FRMD4A: variants seen among roughly 807,000 people sequenced by gnomAD.
FRMD4A encodes FERM domain-containing protein 4A.
Under a neutral mutation model 129.1 loss-of-function variants are expected in FRMD4A, and 29 were observed. That is an observed-to-expected ratio of 0.22 (90% CI 0.17 to 0.31). FRMD4A has a LOEUF of 0.31. Among genes scored for constraint, FRMD4A ranks in the 10% least tolerant of loss-of-function variants. The probability of loss-of-function intolerance (pLI) is 1.00; values close to 1 mark genes in which losing one functional copy is unlikely to be tolerated. For synonymous variants in FRMD4A, 634 were observed against 571.6 expected (o/e 1.11, Z -1.56); for missense variants, 1,272 against 1,375.8 (o/e 0.92, Z 1.19).
intron 2 of FRMD4A, among the ~76,000 whole-genome samples, chr10:14,165,230 G>T (rs930287748): frequency 6.6e-6 from 1 of 152,172 alleles, no homozygotes; most frequent in Non-Finnish European, 1.5e-5. Flanking sequence ...TTTTTCAAAA[G>T]AAGACAAAGC....
chr10:13,815,688 C>G (rs940514106), intron 3 of FRMD4A, among the ~76,000 whole-genome samples: 2 of 152,166 alleles, frequency 1.3e-5, no homozygotes, highest in African/African-American at 4.8e-5. Flanking sequence ...GCCTAAGGAT[C>G]GTGCCTCAAG....
chr10:14,214,404 G>A (rs1843014157), intron 2 of FRMD4A, among the ~76,000 whole-genome samples: 1 of 152,208 alleles, frequency 6.6e-6, no homozygotes, highest in African/African-American at 2.4e-5. Context: ...CATACAAGCT[G>A]AACGACCTTA....
intron 2 of FRMD4A, among the ~76,000 whole-genome samples, chr10:13,900,896 C>CTAAAATAAAA (rs71848496): frequency 6.6e-5 from 10 of 151,920 alleles, no homozygotes; most frequent in African/African-American, 1.9e-4. Flanking sequence ...GATTCCGTCT[C>CTAAAATAAAA]TAAAATAAAA....
chr10:14,225,120 C>T (rs1327451290), intron 2 of FRMD4A, among the ~76,000 whole-genome samples: 4 of 152,146 alleles, frequency 2.6e-5, no homozygotes, highest in Non-Finnish European at 5.9e-5. Context: ...TAAATATACA[C>T]CAGGTGGCGG....
At chr10:13,805,688 TTTAA>T (rs2093346467) in intron 4 of FRMD4A, among the ~76,000 whole-genome samples, 1 of 152,044 alleles carries the variant, frequency 6.6e-6, no homozygotes, top group South Asian at 2.1e-4. Context: ...ACTTCTTGAT[TTTAA>T]TTAGTTTTGT....
chr10:14,065,462 T>C (rs1479238615), intron 2 of FRMD4A, among the ~76,000 whole-genome samples: 1 of 152,210 alleles, frequency 6.6e-6, no homozygotes, highest in Non-Finnish European at 1.5e-5. Flanking sequence ...CTTGCAGATG[T>C]GAGCCACCAT....
At chr10:13,871,137 C>G (rs539928982) in intron 2 of FRMD4A, 16 of 164,912 alleles carry the variant, frequency 9.7e-5, no homozygotes, top group African/African-American at 3.9e-4. Flanking sequence ...TGGGTTCGCC[C>G]TGATGACAGA....
At chr10:13,963,849 C>T (rs1443017649) in intron 2 of FRMD4A, among the ~76,000 whole-genome samples, 1 of 152,138 alleles carries the variant, frequency 6.6e-6, no homozygotes, top group Non-Finnish European at 1.5e-5. Flanking sequence ...TCCAGACAGC[C>T]AGTGTTAGAG....
chr10:13,812,192 T>C (rs1203697057), intron 3 of FRMD4A, among the ~76,000 whole-genome samples: 1 of 152,248 alleles, frequency 6.6e-6, no homozygotes, highest in Non-Finnish European at 1.5e-5. Flanking sequence ...AGTTGGTTTC[T>C]TATTTCACTT....
rs559321397 is a variant in FRMD4A, at chr10:14,100,472, G to C, written c.45+229586C>G. 3.3e-4 allele frequency among the ~76,000 whole-genome samples: 50 copies of C among 152,252 alleles called. No homozygotes were observed. In the South Asian group the frequency reaches 1.0e-2, roughly 30 times the overall value. ...GGAAACTTAGAGAGGTTTTTAGGAA[G>C]AGCTGTTTCAAATGACTTTTCCACC... On this transcript the variant is annotated intron_variant, in intron 2 of 24. Transcript: ENST00000357447.
At chr10:13,994,099 T>TC (rs1445335901) in intron 2 of FRMD4A, among the ~76,000 whole-genome samples, 1 of 148,114 alleles carries the variant, frequency 6.8e-6, no homozygotes, top group Non-Finnish European at 1.5e-5. Context: ...AACCTTCACC[T>TC]CCCGGGTTCA....
rs11258631 is a variant in FRMD4A at position 13,810,785 on chromosome 10, G to C, written c.206+29C>G. The C allele has an allele frequency of 4.1e-4, 491 of 1,193,676 alleles. No homozygotes were observed. The African/African-American group carries it at 6.7e-3, about 16-fold the overall frequency. The allele number at this position is 1,193,676 out of a possible 1,614,324, so 73.9% of individuals were successfully genotyped here. On this transcript the variant is annotated intron_variant, in intron 4 of 24. Coordinates refer to ENST00000357447, the MANE Select transcript of FRMD4A (RefSeq NM_018027.5). Reference sequence around the variant, plus strand: ...CGGGTTCTGCACTGACTCTCCCTTCGGGCTGTGAGGGCTCAAGGCAGTACT... The same window carrying C: ...CGGGTTCTGCACTGACTCTCCCTTCCGGCTGTGAGGGCTCAAGGCAGTACT...
intron 2 of FRMD4A, among the ~76,000 whole-genome samples, chr10:14,328,374 G>GGGT (rs1843367322): frequency 7.6e-6 from 1 of 130,722 alleles, no homozygotes; most frequent in East Asian, 2.5e-4. Context: ...GTGGGTGGGG[G>GGGT]GGGGGGGTGT....
intron 2 of FRMD4A, among the ~76,000 whole-genome samples, chr10:13,958,187 T>C (rs116849636): frequency 0.01 from 1,577 of 152,310 alleles, 16 homozygotes; most frequent in Non-Finnish European, 0.017. Context: ...TTTGTGTTTC[T>C]TTCTCGTTAT....
At chr10:14,029,810 G>A (rs1833150711) in intron 2 of FRMD4A, among the ~76,000 whole-genome samples, 2 of 147,762 alleles carry the variant, frequency 1.4e-5, no homozygotes, top group Non-Finnish European at 3.0e-5. Context: ...CAGTTTACAT[G>A]AAAAAAAAAA....
intron 2 of FRMD4A, among the ~76,000 whole-genome samples, chr10:14,313,313 T>C (rs1172578018): frequency 6.6e-6 from 1 of 152,208 alleles, no homozygotes; most frequent in Admixed American, 6.5e-5. Context: ...CAGTGAGCTA[T>C]GATTGCGCCT....
intron 2 of FRMD4A, among the ~76,000 whole-genome samples, chr10:13,888,723 C>G (rs2094656309): frequency 6.6e-6 from 1 of 152,040 alleles, no homozygotes; most frequent in Non-Finnish European, 1.5e-5. Flanking sequence ...CAGGTGCTAC[C>G]CCAAAAATAA....
chr10:13,861,596 A>G (rs1036216605), intron 2 of FRMD4A, among the ~76,000 whole-genome samples: 15 of 152,344 alleles, frequency 9.8e-5, no homozygotes, highest in Admixed American at 2.6e-4. Flanking sequence ...GAAAAACTTC[A>G]ATCCAAAGCC....
At chr10:14,005,528 G>T (rs999798516) in intron 2 of FRMD4A, among the ~76,000 whole-genome samples, 1 of 152,148 alleles carries the variant, frequency 6.6e-6, no homozygotes, top group African/African-American at 2.4e-5. Flanking sequence ...GGCACCTAAG[G>T]GGACAGGACT....
Sources: allele counts gnomAD v4.1 joint callset (sites outside exome capture counted in the v4.1 genomes callset), GRCh38; gene constraint gnomAD v4.1.1; transcripts MANE v1.5; gene names NCBI Gene and HGNC (gene_info 2026-07-23, HGNC 2026-07-21).